The following ATOSA variants were observed in gnomAD, a reference collection of about 807,000 sequenced individuals.
ATOSA encodes atos homolog protein A.
chr15:52,615,355 A>G, the ATOSA span, among the ~76,000 whole-genome samples: 1 of 152,248 alleles, frequency 6.6e-6, no homozygotes, highest in Non-Finnish European at 1.5e-5. Context: ...AAGTGCACAC[A>G]CTATTCAATT....
the ATOSA span, among the ~76,000 whole-genome samples, chr15:52,672,341 C>A: frequency 6.6e-6 from 1 of 151,602 alleles, no homozygotes; most frequent in South Asian, 2.1e-4. Flanking sequence ...ACAGTAAGAC[C>A]CCATCCCATG....
chr15:52,627,377 A>G, the ATOSA span, among the ~76,000 whole-genome samples: 1 of 152,340 alleles, frequency 6.6e-6, no homozygotes, highest in African/African-American at 2.4e-5. Context: ...ACTCAACTAT[A>G]AACTCTATTA....
the ATOSA span, among the ~76,000 whole-genome samples, chr15:52,633,171 T>TG: frequency 1.4e-4 from 21 of 152,214 alleles, no homozygotes; most frequent in African/African-American, 5.1e-4. Flanking sequence ...ATAAGCCTTA[T>TG]CTTCCTACTA....
At chr15:52,627,158 C>T in the ATOSA span, among the ~76,000 whole-genome samples, 2 of 152,088 alleles carry the variant, frequency 1.3e-5, no homozygotes, top group African/African-American at 2.4e-5. Flanking sequence ...AAATTCTAAA[C>T]CTGATACTTT....
chr15:52,609,789 T>C, the ATOSA span: 1 of 1,613,244 alleles, frequency 6.2e-7, no homozygotes, highest in Non-Finnish European at 8.5e-7. Flanking sequence ...GGGCAATTCT[T>C]GCAATGATTT....
At chr15:52,685,364 TA>T in the ATOSA span, among the ~76,000 whole-genome samples, 172 of 152,256 alleles carry the variant, frequency 1.1e-3, no homozygotes, top group Middle Eastern at 3.4e-3. Context: ...AGCCTAGATA[TA>T]GTAGGAACAA....
At chr15:52,640,144 C>T in the ATOSA span, among the ~76,000 whole-genome samples, 1 of 152,158 alleles carries the variant, frequency 6.6e-6, no homozygotes, top group East Asian at 1.9e-4. Flanking sequence ...ACATATTAAC[C>T]ATCACACTGT....
At chr15:52,584,649 G>A in the ATOSA span, 1 of 1,054,734 alleles carries the variant, frequency 9.5e-7, no homozygotes, top group South Asian at 1.7e-5. Context: ...AAGTCCCAAG[G>A]GACACTGGTC....
chr15:52,647,432 G>C, the ATOSA span, among the ~76,000 whole-genome samples: 87 of 152,296 alleles, frequency 5.7e-4, no homozygotes, highest in African/African-American at 2.0e-3. Flanking sequence ...TTTGAAGTTT[G>C]AGTTTTCACA....
chr15:52,697,957 A>ATTTTTTTTTTTTTTTTTTTTTTTT, the ATOSA span, among the ~76,000 whole-genome samples: 14 of 44,780 alleles, frequency 3.1e-4, 2 homozygotes, highest in Admixed American at 4.0e-4. Flanking sequence ...GGGATGTAGA[A>ATTTTTTTTTTTTTTTTTTTTTTTT]TTTTTTTTTT....
At chr15:52,668,364 T>C in the ATOSA span, among the ~76,000 whole-genome samples, 1 of 152,080 alleles carries the variant, frequency 6.6e-6, no homozygotes, top group Non-Finnish European at 1.5e-5. Flanking sequence ...GCTGTTATCA[T>C]AGAAGTAGCG....
At chr15:52,593,518 TA>T in the ATOSA span, 1 of 1,469,232 alleles carries the variant, frequency 6.8e-7, no homozygotes, top group Non-Finnish European at 9.2e-7. Context: ...TCAAAGCACT[TA>T]AATTTGTCAT....
chr15:52,611,457 C>G, the ATOSA span: 2 of 1,221,550 alleles, frequency 1.6e-6, no homozygotes, highest in Admixed American at 2.6e-5. Flanking sequence ...AATATAAATA[C>G]TATCTCAATT....
chr15:52,703,108 G>A, the ATOSA span, among the ~76,000 whole-genome samples: 6 of 152,168 alleles, frequency 3.9e-5, no homozygotes, highest in Non-Finnish European at 7.3e-5. Context: ...ACATAACAAT[G>A]TGGGTGAATC....
the ATOSA span, among the ~76,000 whole-genome samples, chr15:52,704,940 G>A: frequency 1.3e-5 from 2 of 152,248 alleles, no homozygotes; most frequent in Admixed American, 1.3e-4. Flanking sequence ...GTGGAAGACA[G>A]TGTGGCAATT....
chr15:52,602,909 A>G, the ATOSA span, among the ~76,000 whole-genome samples: 1 of 152,220 alleles, frequency 6.6e-6, no homozygotes, highest in Non-Finnish European at 1.5e-5. Context: ...AATTTGCCCC[A>G]GGTTACACCT....
chr15:52,622,029 T>C, the ATOSA span, among the ~76,000 whole-genome samples: 2 of 152,104 alleles, frequency 1.3e-5, no homozygotes, highest in Non-Finnish European at 2.9e-5. Context: ...GTATTTTTAG[T>C]AGAGATGGGG....
chr15:52,601,952 A>T, the ATOSA span, among the ~76,000 whole-genome samples: 1 of 152,132 alleles, frequency 6.6e-6, no homozygotes, highest in Non-Finnish European at 1.5e-5. Flanking sequence ...TTATTGTGAA[A>T]TTTTCAATCT....
At chr15:52,659,615 T>C in the ATOSA span, among the ~76,000 whole-genome samples, 5 of 152,180 alleles carry the variant, frequency 3.3e-5, no homozygotes, top group African/African-American at 1.2e-4. Flanking sequence ...TTAGATGCAA[T>C]ATCCTACAAA....
Sources: gnomAD v4.1 joint callset for allele counts (sites outside exome capture counted in the v4.1 genomes callset) on GRCh38, gnomAD v4.1.1 for gene constraint, MANE v1.5 for transcripts, NCBI Gene and HGNC (gene_info 2026-07-23, HGNC 2026-07-21) for gene names.